Variants in CD101 observed in about 807,000 individuals in gnomAD.
The protein encoded by CD101 is CD101 molecule, also known as immunoglobulin superfamily member 2.
Under a neutral mutation model 98.2 loss-of-function variants are expected in CD101, and 76 were observed. That is an observed-to-expected ratio of 0.77 (90% CI 0.64 to 0.94). CD101 has a LOEUF of 0.94. CD101 is among the 40% of genes least tolerant of loss of function. The pLI is 0.00. For synonymous variants in CD101, 471 were observed against 472.7 expected, an observed-to-expected ratio of 1.00 and a Z score of 0.05; for missense variants, 1,145 against 1,218.8, an observed-to-expected ratio of 0.94 and a Z score of 0.90.
chr1:117,010,364 T>C lies in CD101; in HGVS notation c.424+134T>C. The C allele has an allele frequency of 1.1e-6, 1 of 888,618 alleles. No homozygotes were observed. The highest frequency in any genetic ancestry group is 1.7e-6 in the Non-Finnish European group (1 of 593,008). 55.0% of individuals were successfully genotyped at this position (888,618 alleles called of 1,614,324 possible). A position where few individuals can be genotyped will look rare whatever the true frequency, so the allele number is the denominator to read the frequency against. Reference sequence around the variant, plus strand: ...AAAAGAGCCCATGTACCCCTGTGGATATTTTGGAGATATGTCACAAGTGGG... The same window carrying C: ...AAAAGAGCCCATGTACCCCTGTGGACATTTTGGAGATATGTCACAAGTGGG... On this transcript the variant is annotated intron_variant, in intron 2 of 9. Transcript: ENST00000682167. The surrounding 1 kb of genome is among the most constrained non-coding windows in gnomAD (Gnocchi z 5.2).
At chr1:117,007,001 G>A (rs964583999) in intron 1 of CD101, among the ~76,000 whole-genome samples, 1 of 152,158 alleles carries the variant, frequency 6.6e-6, no homozygotes, top group East Asian at 1.9e-4. Flanking sequence ...GGAAACGTTC[G>A]AGAAGTGTTG....
chr1:117,001,895 C>T, intron 1 of CD101, 35 bp downstream of exon 1: 1 of 1,607,400 alleles, frequency 6.2e-7, no homozygotes, highest in Non-Finnish European at 8.5e-7. Context: ...TCTCTTGTCA[C>T]AGGAGTTCAT....
chr1:117,016,154 TACA>T (rs1056941718), intron 4 of CD101, among the ~76,000 whole-genome samples: 2 of 149,436 alleles, frequency 1.3e-5, no homozygotes, highest in Admixed American at 6.7e-5. Flanking sequence ...CACGTTGTTG[TACA>T]ACAACGTGTG....
chr1:117,028,107 A>AAATAAATAAATAAAT (rs148309572), intron 8 of CD101, among the ~76,000 whole-genome samples: 76 of 148,156 alleles, frequency 5.1e-4, no homozygotes, highest in African/African-American at 9.0e-4. Context: ...ATAAATAAAT[A>AAATAAATAAATAAAT]AAATAAAATA....
intron 1 of CD101, among the ~76,000 whole-genome samples, chr1:117,003,902 G>A (rs1293942036): frequency 6.6e-6 from 1 of 152,186 alleles, no homozygotes; most frequent in African/African-American, 2.4e-5. Context: ...TACAAATATA[G>A]AGGGGAATTG....
intron 9 of CD101, chr1:117,034,356 G>A (rs1019060349): frequency 6.2e-6 from 3 of 483,978 alleles, no homozygotes; most frequent in African/African-American, 3.9e-5. Flanking sequence ...TCTCTTGAAG[G>A]TTCAGGTCCC....
In CD101 at chr1:117,033,810, T is replaced by C. The variant is rs764338091; in HGVS notation, c.2825-50T>C. On this transcript the variant is annotated intron_variant, in intron 8 of 9. Coordinates refer to ENST00000682167, the MANE Select transcript of CD101 (RefSeq NM_001256106.3). The surrounding 1 kb of genome is among the most constrained non-coding windows in gnomAD (Gnocchi z 4.8). ...CCCAGGAGTGTTTGTAATTGACTAG[T>C]ACAAATAAGTTGGAGATGAATTACT... is the stretch of plus-strand genomic sequence containing the variant. 1.9e-6 allele frequency: 3 copies of C among 1,611,192 alleles called. No homozygotes were observed. The highest frequency in any genetic ancestry group is 2.5e-6 in the Non-Finnish European group (3 of 1,178,258).
Position 117,006,128 on chromosome 1 carries a change from A to G in CD101, c.44-3722A>G, listed in dbSNP as rs913790247. Among the ~76,000 whole-genome samples the G allele has an allele frequency of 5.9e-5, 9 of 152,206 alleles. No homozygotes were observed. The highest frequency in any genetic ancestry group is 2.0e-4 in the Admixed American group (3 of 15,290). On this transcript the variant is annotated intron_variant, in intron 1 of 9. Coordinates refer to ENST00000682167, the MANE Select transcript of CD101 (RefSeq NM_001256106.3). This position sits in a 1 kb window ranked among gnomAD's most constrained non-coding sequence, Gnocchi z 4.4. ...ATCTGTATTTCTAGTCAGAGTATCA[A>G]TATTCTCCCAGGCAGCCTTATCAAA...
chr1:117,017,786 G>A (rs1479409094), intron 5 of CD101, among the ~76,000 whole-genome samples: 2 of 152,208 alleles, frequency 1.3e-5, no homozygotes, highest in Non-Finnish European at 2.9e-5. Context: ...GGATTGCAGA[G>A]CCCATTGAAG....
intron 8 of CD101, among the ~76,000 whole-genome samples, chr1:117,027,193 C>T (rs973952569): frequency 1.2e-4 from 19 of 152,230 alleles, no homozygotes; most frequent in African/African-American, 4.6e-4. Context: ...TCCAAACCCG[C>T]TGCACATACA....
rs1250103418 is a variant in CD101 at position 117,020,775 on chromosome 1, T to C, written c.2018-798T>C. Among the ~76,000 whole-genome samples, 6 of 152,188 alleles carry C rather than the reference T, an allele frequency of 3.9e-5. No individual in the cohort carries two copies. In the East Asian group the frequency reaches 1.2e-3, roughly 29 times the overall value. On this transcript the variant is annotated intron_variant, in intron 6 of 9. Coordinates refer to ENST00000682167, the MANE Select transcript of CD101 (RefSeq NM_001256106.3). ...GGGAAGATATCCACAGGGCCTGGAA[T>C]TGTCTGGCACATAATATAGTGTGTG...
In CD101 at chr1:117,023,431, T is replaced by C. The variant is rs185273588; in HGVS notation, c.2428+1448T>C. 3.9e-5 allele frequency among the ~76,000 whole-genome samples: 6 copies of C among 152,312 alleles called. No homozygotes were observed. In the East Asian group the frequency reaches 7.7e-4, roughly 20 times the overall value. ...ACTAATTCACTTCTTCTTTTTCTTT[T>C]TTTTTAGACGGAGTCTTGCTCTGTT... On this transcript the variant is annotated intron_variant, in intron 7 of 9. Transcript: ENST00000682167. This position sits in a 1 kb window ranked among gnomAD's most constrained non-coding sequence, Gnocchi z 4.4.
chr1:117,017,225 CA>C lies in CD101; in HGVS notation c.1365del (p.Gln456SerfsTer69), dbSNP rs1653280454. The C allele has an allele frequency of 1.9e-6, 3 of 1,614,154 alleles. No individual in the cohort carries two copies. Among genetic ancestry groups the C allele is most frequent in the Non-Finnish European group, 1.7e-6 (2 of 1,180,010 alleles). On this transcript the variant is annotated frameshift_variant, in exon 5 of 10. Transcript: ENST00000682167. LOFTEE classifies it high-confidence loss of function. The part of the protein sequence containing the change: ...VSWWHIPRDQ[T>X]QPEFVAGMGQ... ...TGGTGGCACATCCCACGGGACCAGA[CA>C]CAGCCCGAGTTTGTGGCTGGCATGG...
At chr1:117,016,219 T>A (rs1002749266) in intron 4 of CD101, among the ~76,000 whole-genome samples, 11 of 147,966 alleles carry the variant, frequency 7.4e-5, no homozygotes, top group African/African-American at 4.9e-5. Flanking sequence ...TATATATATA[T>A]AAAATGTATA....
intron 2 of CD101, among the ~76,000 whole-genome samples, 200 bp from the exon 3 acceptor site, chr1:117,011,339 GGCATTTACTTT>G (rs1055701724): frequency 1.3e-5 from 2 of 152,140 alleles, no homozygotes; most frequent in Admixed American, 6.5e-5. Context: ...ACATTGATGA[GGCATTTACTTT>G]GCCCAGTTCC....
intron 2 of CD101, among the ~76,000 whole-genome samples, chr1:117,011,238 T>C (rs558778007): frequency 3.3e-5 from 5 of 152,342 alleles, no homozygotes; most frequent in Middle Eastern, 6.8e-3. Context: ...GGTTTCTCTG[T>C]CCCAGTGCTT....
At chr1:117,013,307 A>T (rs1652998646) in intron 3 of CD101, 99 bp from the exon 4 acceptor site, 4 of 1,370,770 alleles carry the variant, frequency 2.9e-6, no homozygotes, top group Non-Finnish European at 4.0e-6. Context: ...ATAAAATGTG[A>T]TCCCTGTGAC....
rs1652817362 is a variant in CD101, at chr1:117,010,354, C to T, written c.424+124C>T. 1.7e-5 allele frequency: 17 copies of T among 990,600 alleles called. No homozygotes were observed. The South Asian group carries it at 2.4e-4, about 14-fold the overall frequency. 61.4% of individuals were successfully genotyped at this position (990,600 alleles called of 1,614,324 possible). A position where few individuals can be genotyped will look rare whatever the true frequency, so the allele number is the denominator to read the frequency against. ...TTTCTTTGGGAAAAGAGCCCATGTA[C>T]CCCTGTGGATATTTTGGAGATATGT... On this transcript the variant is annotated intron_variant, in intron 2 of 9. Coordinates refer to ENST00000682167, the MANE Select transcript of CD101 (RefSeq NM_001256106.3). This position sits in a 1 kb window ranked among gnomAD's most constrained non-coding sequence, Gnocchi z 5.2.
intron 6 of CD101, among the ~76,000 whole-genome samples, chr1:117,020,995 C>T (rs1426098863): frequency 6.6e-6 from 1 of 152,204 alleles, no homozygotes; most frequent in Admixed American, 6.5e-5. Context: ...ATACAATGTT[C>T]CCACAGTTAA....
Sources: allele counts gnomAD v4.1 joint callset (sites outside exome capture counted in the v4.1 genomes callset), GRCh38; gene constraint gnomAD v4.1.1; non-coding constraint Gnocchi (gnomAD v3.1); transcripts MANE v1.5; gene names NCBI Gene and HGNC (gene_info 2026-07-23, HGNC 2026-07-21).